Variants in COL25A1 observed in about 807,000 individuals in gnomAD.
COL25A1 encodes the protein collagen type XXV alpha 1 chain.
Under a neutral mutation model 128.4 loss-of-function variants are expected in COL25A1, and 103 were observed. That is an observed-to-expected ratio of 0.80 (90% CI 0.68 to 0.94). The LOEUF is 0.94. Ranked by LOEUF, COL25A1 falls within the 40% of genes least tolerant of loss-of-function variation. The probability of loss-of-function intolerance (pLI) is 0.00; values close to 1 mark genes in which losing one functional copy is unlikely to be tolerated. For missense variants in COL25A1, 745 were observed against 840.0 expected (o/e 0.89, Z 1.40); for synonymous variants, 279 against 277.2 (o/e 1.01, Z -0.06).
At chr4:109,034,854 A>G (rs1759192801) in intron 5 of COL25A1, among the ~76,000 whole-genome samples, 1 of 152,202 alleles carries the variant, frequency 6.6e-6, no homozygotes, top group Non-Finnish European at 1.5e-5. Context: ...TTAAAATTTA[A>G]TACTCCACTA....
At chr4:109,119,623 G>A (rs72617754) in intron 3 of COL25A1, among the ~76,000 whole-genome samples, 11,771 of 151,966 alleles carry the variant, frequency 0.077, 669 homozygotes, top group East Asian at 0.27. Flanking sequence ...ATCTGAGTAC[G>A]CCTATTAATG....
intron 3 of COL25A1, among the ~76,000 whole-genome samples, chr4:109,195,778 A>C (rs1279169651): frequency 6.6e-6 from 1 of 152,214 alleles, no homozygotes; most frequent in Admixed American, 6.5e-5. Flanking sequence ...ACCCACATGC[A>C]TCCACCAAGA....
intron 3 of COL25A1, among the ~76,000 whole-genome samples, chr4:109,275,041 C>G (rs898291792): frequency 2.0e-5 from 3 of 152,196 alleles, no homozygotes; most frequent in African/African-American, 7.2e-5. Context: ...CAATGGCCCT[C>G]TTTGTGAAGC....
intron 3 of COL25A1, among the ~76,000 whole-genome samples, chr4:109,251,136 T>G (rs1216653231): frequency 6.6e-6 from 1 of 152,144 alleles, no homozygotes; most frequent in Non-Finnish European, 1.5e-5. Flanking sequence ...GAAAACAGAT[T>G]TTTGCTTAAT....
intron 3 of COL25A1, among the ~76,000 whole-genome samples, chr4:109,070,863 G>C (rs1416212992): frequency 6.6e-6 from 1 of 151,986 alleles, no homozygotes; most frequent in Non-Finnish European, 1.5e-5. Flanking sequence ...AAGGACACGA[G>C]CTCATCCTTT....
chr4:108,814,973 C>T (rs1731113120), intron 37 of COL25A1, among the ~76,000 whole-genome samples: 1 of 152,258 alleles, frequency 6.6e-6, no homozygotes, highest in East Asian at 1.9e-4. Context: ...TTGGAGGCTG[C>T]TTTCTAATCT....
intron 11 of COL25A1, among the ~76,000 whole-genome samples, chr4:108,930,951 C>G (rs1433881289): frequency 1.3e-5 from 2 of 152,140 alleles, no homozygotes; most frequent in African/African-American, 4.8e-5. Context: ...AAAATTTCTT[C>G]TTTATCTAAT....
intron 6 of COL25A1, among the ~76,000 whole-genome samples, chr4:108,998,493 A>G (rs969892062): frequency 2.0e-5 from 3 of 152,240 alleles, no homozygotes; most frequent in Non-Finnish European, 4.4e-5. Context: ...AAAACATTCC[A>G]TGCTCATGGA....
At chr4:108,980,483 A>G (rs989148682) in intron 6 of COL25A1, among the ~76,000 whole-genome samples, 1 of 152,252 alleles carries the variant, frequency 6.6e-6, no homozygotes, top group South Asian at 2.1e-4. Flanking sequence ...GCAGTTCCAC[A>G]GCCAAGTGAA....
intron 3 of COL25A1, among the ~76,000 whole-genome samples, chr4:109,215,199 G>C (rs1315645322): frequency 6.6e-6 from 1 of 152,132 alleles, no homozygotes; most frequent in Non-Finnish European, 1.5e-5. Flanking sequence ...TTTTAGGTGA[G>C]CTACTTAGCA....
At chr4:108,843,956 G>T (rs565180072) in intron 30 of COL25A1, among the ~76,000 whole-genome samples, 1 of 151,930 alleles carries the variant, frequency 6.6e-6, no homozygotes, top group African/African-American at 2.4e-5. Flanking sequence ...AAAGGGCAAG[G>T]GCATGATCAC....
At chr4:109,205,397 G>A (rs1416087512) in intron 3 of COL25A1, among the ~76,000 whole-genome samples, 2 of 152,064 alleles carry the variant, frequency 1.3e-5, no homozygotes, top group Non-Finnish European at 2.9e-5. Context: ...AGCTGGATGC[G>A]GACACGGGAC....
chr4:109,159,268 T>C (rs138647053), intron 3 of COL25A1, among the ~76,000 whole-genome samples: 31 of 151,986 alleles, frequency 2.0e-4, no homozygotes, highest in African/African-American at 7.2e-4. Context: ...AAATTTAAAA[T>C]TACTGTCTCA....
chr4:109,047,638 C>T (rs1560593711), intron 5 of COL25A1, among the ~76,000 whole-genome samples: 1 of 150,758 alleles, frequency 6.6e-6, no homozygotes, highest in Non-Finnish European at 1.5e-5. Flanking sequence ...AAATTTAAAA[C>T]AAATTTAAAT....
Position 108,889,400 on chromosome 4 carries a change from T to C in COL25A1, c.940-144A>G, listed in dbSNP as rs944683279. 5 of 701,314 alleles carry C rather than the reference T, an allele frequency of 7.1e-6. No individual in the cohort carries two copies. The African/African-American group carries it at 7.3e-5, about 10-fold the overall frequency. 43.4% of individuals were successfully genotyped at this position (701,314 alleles called of 1,614,324 possible). On this transcript the variant is annotated intron_variant, in intron 17 of 37. Coordinates refer to ENST00000399132, the MANE Select transcript of COL25A1 (RefSeq NM_198721.4). The stretch of plus-strand genomic sequence containing the variant: ...ATTTCCTTTATCCTGTGACTCTACA[T>C]CTCACTAGACATACGGATTTTTTTT...
At chr4:109,136,478 G>A (rs917303243) in intron 3 of COL25A1, among the ~76,000 whole-genome samples, 1 of 152,210 alleles carries the variant, frequency 6.6e-6, no homozygotes, top group Non-Finnish European at 1.5e-5. Context: ...CCCAAATGTG[G>A]AAAATTGGGA....
intron 3 of COL25A1, among the ~76,000 whole-genome samples, chr4:109,146,257 T>G (rs1770936024): frequency 6.6e-6 from 1 of 152,196 alleles, no homozygotes; most frequent in Non-Finnish European, 1.5e-5. Context: ...TCTCATTAAG[T>G]ACTAACACCC....
At chr4:109,083,981 C>G (rs907866809) in intron 3 of COL25A1, among the ~76,000 whole-genome samples, 4 of 152,122 alleles carry the variant, frequency 2.6e-5, no homozygotes, top group South Asian at 2.1e-4. Flanking sequence ...AAGAAAAAGA[C>G]TACATGTAGC....
intron 3 of COL25A1, among the ~76,000 whole-genome samples, chr4:109,093,473 A>G (rs1273673671): frequency 8.0e-6 from 1 of 125,126 alleles, no homozygotes; most frequent in African/African-American, 3.0e-5. Flanking sequence ...AAAAAAAAAA[A>G]AAACCTTTTT....
Sources: gnomAD v4.1 joint callset for allele counts (sites outside exome capture counted in the v4.1 genomes callset) on GRCh38, gnomAD v4.1.1 for gene constraint, MANE v1.5 for transcripts, NCBI Gene and HGNC (gene_info 2026-07-23, HGNC 2026-07-21) for gene names.